The following CIRSR variants were observed in gnomAD, a reference collection of about 807,000 sequenced individuals.
CIRSR encodes the protein CBF1 (RBPJ) interacting corepressor 1.
the CIRSR span, among the ~76,000 whole-genome samples, chr2:174,392,231 G>A: frequency 6.6e-6 from 1 of 152,044 alleles, no homozygotes; most frequent in Non-Finnish European, 1.5e-5. Context: ...TCCTGACCTC[G>A]GGTGATCCAC....
At chr2:174,383,942 T>A in the CIRSR span, among the ~76,000 whole-genome samples, 1 of 151,894 alleles carries the variant, frequency 6.6e-6, no homozygotes. Flanking sequence ...TGTAAAATTG[T>A]GTAGTCACTG....
At chr2:174,378,686 T>C in the CIRSR span, 1 of 485,946 alleles carries the variant, frequency 2.1e-6, no homozygotes, top group East Asian at 3.9e-5. Context: ...TAAAACTTAG[T>C]TCATAGGGCC....
the CIRSR span, among the ~76,000 whole-genome samples, chr2:174,360,703 A>G: frequency 3.3e-5 from 5 of 152,304 alleles, no homozygotes; most frequent in African/African-American, 1.2e-4. Context: ...TGCCTTTAAC[A>G]TCAAGCAGGG....
chr2:174,364,656 C>T, the CIRSR span, among the ~76,000 whole-genome samples: 4 of 152,370 alleles, frequency 2.6e-5, no homozygotes, highest in East Asian at 3.9e-4. Context: ...CTTCTGCACA[C>T]TTACAGGCTC....
At chr2:174,391,447 A>G in the CIRSR span, among the ~76,000 whole-genome samples, 1 of 152,160 alleles carries the variant, frequency 6.6e-6, no homozygotes, top group Non-Finnish European at 1.5e-5. Context: ...AAAATTAGCC[A>G]GGCGTGGTGG....
chr2:174,367,456 T>C, the CIRSR span, among the ~76,000 whole-genome samples: 2 of 152,082 alleles, frequency 1.3e-5, no homozygotes, highest in Non-Finnish European at 2.9e-5. Flanking sequence ...GGGGGGCGCC[T>C]GTAGTCCCAG....
the CIRSR span, among the ~76,000 whole-genome samples, chr2:174,377,031 A>C: frequency 6.6e-6 from 1 of 152,182 alleles, no homozygotes; most frequent in East Asian, 1.9e-4. Flanking sequence ...AAAAGAAAGC[A>C]CTGAGTCTGG....
chr2:174,348,569 G>A, the CIRSR span: 111 of 1,614,048 alleles, frequency 6.9e-5, no homozygotes, highest in African/African-American at 1.3e-3. Flanking sequence ...CTCTATACAA[G>A]TCTGTGCCAT....
chr2:174,349,936 C>A, the CIRSR span, among the ~76,000 whole-genome samples: 1 of 152,062 alleles, frequency 6.6e-6, no homozygotes, highest in African/African-American at 2.4e-5. Flanking sequence ...AGAGAATATT[C>A]TCCAGAAATT....
the CIRSR span, among the ~76,000 whole-genome samples, chr2:174,366,894 T>C: frequency 6.6e-6 from 1 of 152,150 alleles, no homozygotes; most frequent in African/African-American, 2.4e-5. Context: ...AATCCATATT[T>C]ACAACTGTGG....
the CIRSR span, among the ~76,000 whole-genome samples, chr2:174,364,013 C>T: frequency 6.6e-6 from 1 of 152,286 alleles, no homozygotes; most frequent in Non-Finnish European, 1.5e-5. Context: ...GTCCACAGTC[C>T]AAAGTTCCAT....
the CIRSR span, among the ~76,000 whole-genome samples, chr2:174,368,097 T>G: frequency 1.3e-5 from 2 of 152,142 alleles, no homozygotes. Context: ...ATAAATGTTT[T>G]TAGAAATAGA....
At chr2:174,356,159 A>T in the CIRSR span, among the ~76,000 whole-genome samples, 3 of 152,012 alleles carry the variant, frequency 2.0e-5, no homozygotes, top group African/African-American at 7.2e-5. Flanking sequence ...AGGTTAGGTA[A>T]GGCTGAATTA....
chr2:174,363,904 C>G, the CIRSR span, among the ~76,000 whole-genome samples: 5 of 152,136 alleles, frequency 3.3e-5, no homozygotes. Context: ...TCATCCCACC[C>G]CTGGCCCTTC....
At chr2:174,391,345 T>C in the CIRSR span, among the ~76,000 whole-genome samples, 2 of 152,120 alleles carry the variant, frequency 1.3e-5, no homozygotes, top group Admixed American at 1.3e-4. Context: ...TATAAAATCT[T>C]AGGTTGGGCT....
chr2:174,349,885 T>C, the CIRSR span, among the ~76,000 whole-genome samples: 1 of 152,138 alleles, frequency 6.6e-6, no homozygotes, highest in African/African-American at 2.4e-5. Context: ...TTATGTACTA[T>C]TTTATAGTAT....
At chr2:174,356,820 A>T in the CIRSR span, among the ~76,000 whole-genome samples, 1 of 152,036 alleles carries the variant, frequency 6.6e-6, no homozygotes, top group Non-Finnish European at 1.5e-5. Flanking sequence ...GTGTGTTTTA[A>T]TTTAACTTTA....
At chr2:174,378,177 C>A in the CIRSR span, among the ~76,000 whole-genome samples, 3 of 152,070 alleles carry the variant, frequency 2.0e-5, no homozygotes, top group African/African-American at 7.2e-5. Flanking sequence ...AAAAAAGGTT[C>A]TCTAGCTGCT....
chr2:174,388,294 G>A, the CIRSR span, among the ~76,000 whole-genome samples: 1 of 152,190 alleles, frequency 6.6e-6, no homozygotes, highest in African/African-American at 2.4e-5. Context: ...TTCCTCCCAG[G>A]TTGAAGTGAT....
Sources: allele counts gnomAD v4.1 joint callset (sites outside exome capture counted in the v4.1 genomes callset), GRCh38; gene constraint gnomAD v4.1.1; transcripts MANE v1.5; gene names NCBI Gene and HGNC (gene_info 2026-07-23, HGNC 2026-07-21).